The following PBX1 variants were observed in gnomAD, a reference collection of about 807,000 sequenced individuals.
PBX1 encodes PBX homeobox 1, also known as pre-B-cell leukemia transcription factor 1.
In PBX1, 6 loss-of-function variants were observed where a neutral mutation model predicts 53.4. The observed-to-expected ratio is 0.11, with a 90% CI of 0.06 to 0.22. PBX1 has a LOEUF of 0.22. Among genes scored for constraint, PBX1 ranks in the 10% least tolerant of loss-of-function variants. PBX1 has a pLI of 1.00. For missense variants in PBX1, 251 were observed against 551.4 expected (o/e 0.46, Z 5.46); for synonymous variants, 204 against 212.3 (o/e 0.96, Z 0.34).
intron 4 of PBX1, among the ~76,000 whole-genome samples, chr1:164,805,110 AT>A (rs1558018557): frequency 6.6e-6 from 1 of 152,174 alleles, no homozygotes; most frequent in Non-Finnish European, 1.5e-5. Flanking sequence ...TGATTCAAAA[AT>A]ATTCTGTCCC....
At chr1:164,644,065 C>T (rs958749308) in intron 2 of PBX1, among the ~76,000 whole-genome samples, 2 of 152,224 alleles carry the variant, frequency 1.3e-5, no homozygotes, top group African/African-American at 4.8e-5. Flanking sequence ...AGCCCTTTCT[C>T]TAATCTCCTA....
chr1:164,788,018 A>C (rs1359992051), intron 2 of PBX1, among the ~76,000 whole-genome samples: 4 of 151,406 alleles, frequency 2.6e-5, no homozygotes, highest in Non-Finnish European at 5.9e-5. Context: ...ATGAGGACAA[A>C]CAAGGGATTT....
At chr1:164,798,288 A>C (rs1668888589) in intron 3 of PBX1, among the ~76,000 whole-genome samples, 1 of 152,256 alleles carries the variant, frequency 6.6e-6, no homozygotes, top group South Asian at 2.1e-4. Flanking sequence ...AATGTTATCA[A>C]TAACGAGCGT....
chr1:164,614,644 A>G (rs1657149473), intron 2 of PBX1, among the ~76,000 whole-genome samples: 1 of 152,192 alleles, frequency 6.6e-6, no homozygotes, highest in Admixed American at 6.5e-5. Flanking sequence ...GCAGATCATA[A>G]AAAAATGGAC....
chr1:164,624,527 G>A (rs1657912291), intron 2 of PBX1, among the ~76,000 whole-genome samples: 1 of 152,274 alleles, frequency 6.6e-6, no homozygotes, highest in Non-Finnish European at 1.5e-5. Context: ...TGTGGGCCAC[G>A]GACCCTGAGG....
At chr1:164,727,666 A>C (rs1320311850) in intron 2 of PBX1, among the ~76,000 whole-genome samples, 1 of 152,188 alleles carries the variant, frequency 6.6e-6, no homozygotes, top group Non-Finnish European at 1.5e-5. Flanking sequence ...TCCCTTTGTC[A>C]TGGGAAGTGG....
chr1:164,727,473 A>G (rs1375949831), intron 2 of PBX1, among the ~76,000 whole-genome samples: 1 of 152,236 alleles, frequency 6.6e-6, no homozygotes, highest in Non-Finnish European at 1.5e-5. Flanking sequence ...GCAGAGTGCT[A>G]TAGTTCTTTG....
At chr1:164,870,112 T>G (rs980797834) in intron 2 of PBX1, among the ~76,000 whole-genome samples, 1 of 152,202 alleles carries the variant, frequency 6.6e-6, no homozygotes, top group Non-Finnish European at 1.5e-5. Flanking sequence ...ACCTAGGCCC[T>G]GATATCTTTT....
chr1:164,686,194 C>T (rs372237715), intron 2 of PBX1, among the ~76,000 whole-genome samples: 1 of 152,102 alleles, frequency 6.6e-6, no homozygotes, highest in East Asian at 1.9e-4. Flanking sequence ...AAATGATGTT[C>T]CTTATTATTA....
chr1:164,670,186 C>G (rs1261608228), intron 2 of PBX1, among the ~76,000 whole-genome samples: 1 of 152,186 alleles, frequency 6.6e-6, no homozygotes, highest in Non-Finnish European at 1.5e-5. Flanking sequence ...CCTTTACACC[C>G]TCAGGGAGGT....
At position 164,801,309 on chromosome 1, in the gene PBX1, C is replaced by T. The variant is rs552088987; in HGVS notation, c.701+1420C>T. 2.3e-4 allele frequency among the ~76,000 whole-genome samples: 35 copies of T among 152,290 alleles called. 1 individual carries two copies. In the South Asian group the frequency reaches 3.1e-3, roughly 14 times the overall value. ...GGCTTCTGTAATGCAGCCCGTTCTG[C>T]GTAGTGCAAAGTGCAAGTGACTGGT... is the stretch of plus-strand genomic sequence containing the variant. On this transcript the variant is annotated intron_variant, in intron 4 of 8. Transcript: ENST00000420696.
chr1:164,622,425 G>A (rs76594427), intron 2 of PBX1, among the ~76,000 whole-genome samples: 3,455 of 152,216 alleles, frequency 0.023, 122 homozygotes, highest in African/African-American at 0.078. Context: ...TTTTTCTATC[G>A]TAATGACTAG....
rs146014518 is a variant in PBX1, at chr1:164,661,291, G to A, written c.265+97980G>A. On this transcript the variant is annotated intron_variant, in intron 2 of 8. Transcript: ENST00000420696. ...CCAGCCGAGGGCCTCTCTCCCATGG[G>A]TGTGTCTGAAGGACATGCCATCTGG... Among the ~76,000 whole-genome samples the A allele has an allele frequency of 4.3e-3, 654 of 152,308 alleles. 3 individuals are homozygous for A. The highest frequency in any genetic ancestry group is 6.8e-3 in the Middle Eastern group (2 of 294).
At chr1:164,612,670 G>T (rs1401018641) in intron 2 of PBX1, among the ~76,000 whole-genome samples, 1 of 152,048 alleles carries the variant, frequency 6.6e-6, no homozygotes, top group African/African-American at 2.4e-5. Flanking sequence ...CTGGAAAGGT[G>T]CCTGGCACTC....
At position 164,792,585 on chromosome 1, in the gene PBX1, G is replaced by C. The variant is rs772022038; in HGVS notation, c.357G>C (p.Gly119=). The change falls in exon 3 of 9, where the codon GGG becomes GGC. Residue 119 remains glycine, a synonymous_variant. Coordinates refer to ENST00000420696, the MANE Select transcript of PBX1 (RefSeq NM_002585.4). ...DNMLLAEGVA[G]PEKGGGSAAA... ...TGCTGTTAGCGGAAGGCGTGGCGGG[G>C]CCTGAGAAGGGCGGAGGGTCGGCGG... 3 of 1,614,084 alleles carry C rather than the reference G, an allele frequency of 1.9e-6. No homozygotes were observed. In the Admixed American group the frequency reaches 5.0e-5, roughly 27 times the overall value.
rs143619487 is a variant in PBX1, at chr1:164,802,133, T to A, written c.701+2244T>A. Among the ~76,000 whole-genome samples the A allele has an allele frequency of 3.8e-4, 58 of 152,376 alleles. No individual in the cohort carries two copies. In the East Asian group the frequency reaches 8.7e-3, roughly 23 times the overall value. On this transcript the variant is annotated intron_variant, in intron 4 of 8. Coordinates refer to ENST00000420696, the MANE Select transcript of PBX1 (RefSeq NM_002585.4). ...ATTAGTCTTTGTAATCTAATAGGTG[T>A]GTAGAATTGAGTGTTACTACTTTGT...
chr1:164,603,179 T>G (rs2101805774), intron 2 of PBX1, among the ~76,000 whole-genome samples: 1 of 152,196 alleles, frequency 6.6e-6, no homozygotes, highest in African/African-American at 2.4e-5. Context: ...TTTTTTCTTT[T>G]CCTGTAGAAA....
At chr1:164,797,001 A>G (rs765761058) in intron 3 of PBX1, among the ~76,000 whole-genome samples, 4 of 152,132 alleles carry the variant, frequency 2.6e-5, no homozygotes, top group Non-Finnish European at 4.4e-5. Context: ...GGTACTGGAA[A>G]AATCTGGATC....
chr1:164,610,280 C>T (rs1294154340), intron 2 of PBX1, among the ~76,000 whole-genome samples: 4 of 151,938 alleles, frequency 2.6e-5, no homozygotes, highest in Non-Finnish European at 5.9e-5. Flanking sequence ...TCCATGAGCC[C>T]CTCCCCTTCT....
Sources: gnomAD v4.1 joint callset for allele counts (sites outside exome capture counted in the v4.1 genomes callset) on GRCh38, gnomAD v4.1.1 for gene constraint, MANE v1.5 for transcripts, NCBI Gene and HGNC (gene_info 2026-07-23, HGNC 2026-07-21) for gene names.